The following SPTB variants were observed in gnomAD, a reference collection of about 807,000 sequenced individuals.
The protein encoded by SPTB is spectrin beta, erythrocytic, also known as spectrin beta chain, erythrocytic.
In SPTB, 45 loss-of-function variants were observed where a neutral mutation model predicts 256.2. That is an observed-to-expected ratio of 0.18 (90% CI 0.14 to 0.23). The LOEUF is 0.23. Ranked by LOEUF, SPTB falls within the 10% of genes least tolerant of loss-of-function variation. The probability of loss-of-function intolerance (pLI) is 1.00; values close to 1 mark genes in which losing one functional copy is unlikely to be tolerated. For missense variants in SPTB, 2,715 were observed against 3,040.4 expected (o/e 0.89, Z 2.52); for synonymous variants, 1,231 against 1,243.1 (o/e 0.99, Z 0.21).
intron 31 of SPTB, among the ~76,000 whole-genome samples, 174 bp from the exon 32 acceptor site, chr14:64,766,975 A>G (rs1447816382): frequency 6.6e-6 from 1 of 152,100 alleles, no homozygotes; most frequent in Non-Finnish European, 1.5e-5. Flanking sequence ...CTTCTTCGGA[A>G]AAGCCAAGGC....
chr14:64,878,297 A>G (rs1360239136), intron 1 of SPTB, among the ~76,000 whole-genome samples: 1 of 152,088 alleles, frequency 6.6e-6, no homozygotes, highest in Non-Finnish European at 1.5e-5. Context: ...TAAGTTTAAC[A>G]TTCCCTTTCC....
chr14:64,785,416 C>T lies in SPTB; in HGVS notation c.3855+121G>A, dbSNP rs986407289. On this transcript the variant is annotated intron_variant, in intron 18 of 35. Coordinates refer to ENST00000644917, the MANE Select transcript of SPTB (RefSeq NM_001355436.2). The surrounding 1 kb of genome is among the most constrained non-coding windows in gnomAD (Gnocchi z 4.4). ...ACCCAATTAAGTACCCAGAGGTCCC[C>T]GCTCATGGAATCCCACAGCTCTTGA... 39 of 878,128 alleles carry T rather than the reference C, an allele frequency of 4.4e-5. No homozygotes were observed. Among genetic ancestry groups the T allele is most frequent in the Middle Eastern group, 3.2e-4 (1 of 3,122 alleles). 54.4% of individuals were successfully genotyped at this position (878,128 alleles called of 1,614,324 possible). A position where few individuals can be genotyped will look rare whatever the true frequency, so the allele number is the denominator to read the frequency against.
chr14:64,796,581 A>T lies in SPTB; in HGVS notation c.1317T>A (p.Ser439Arg), dbSNP rs753052140. Residue 439 changes from serine (S) to arginine (R), a missense_variant, in exon 11 of 36, where the codon AGT (serine) becomes AGA (arginine). By Grantham distance (110) the Ser-to-Arg change is moderately radical (BLOSUM62 -1). Around this residue, in one of 4 missense-constraint regions of SPTB, gnomAD observed 416 missense variants for 571.1 expected, o/e 0.73. Coordinates refer to ENST00000644917, the MANE Select transcript of SPTB (RefSeq NM_001355436.2). The surrounding 1 kb of genome is among the most constrained non-coding windows in gnomAD (Gnocchi z 4.1). ...RKAAMRETWLSENQRLVAQDN... is the reference protein window; with the variant it reads ...RKAAMRETWLRENQRLVAQDN... ...CCTGGGCCACGAGGCGCTGGTTTTC[A>T]CTGAGCCAGGTCTCTCTCATTGCGG... 33 of 1,614,112 alleles carry T rather than the reference A, an allele frequency of 2.0e-5. No homozygotes were observed. The South Asian group carries it at 3.6e-4, about 18-fold the overall frequency.
chr14:64,754,193 G>A (rs574400455), intron 32 of SPTB: 81 of 350,218 alleles, frequency 2.3e-4, no homozygotes, highest in African/African-American at 1.3e-4. Context: ...CCAGACACTC[G>A]TATGAGGAAA....
intron 15 of SPTB, among the ~76,000 whole-genome samples, chr14:64,789,606 G>A (rs2082636359): frequency 6.6e-6 from 1 of 152,184 alleles, no homozygotes; most frequent in Non-Finnish European, 1.5e-5. Flanking sequence ...AGTAAGCCAA[G>A]GGCATAGCTA....
intron 1 of SPTB, among the ~76,000 whole-genome samples, chr14:64,876,330 T>G (rs774451742): frequency 1.3e-5 from 2 of 152,050 alleles, no homozygotes; most frequent in Non-Finnish European, 2.9e-5. Context: ...TTAGTAGAGA[T>G]AGGTTTGGCC....
At chr14:64,842,798 T>C (rs951131284) in intron 1 of SPTB, among the ~76,000 whole-genome samples, 7 of 152,134 alleles carry the variant, frequency 4.6e-5, no homozygotes, top group African/African-American at 9.7e-5. Flanking sequence ...TGGGGACATA[T>C]AGGCTGGATG....
In SPTB at chr14:64,750,283, T is replaced by TAA. The variant is rs552251818; in HGVS notation, c.6603-131_6603-130dup. The TAA allele has an allele frequency of 2.7e-5, 25 of 934,872 alleles. No individual in the cohort carries two copies. In the South Asian group the frequency reaches 4.8e-4, roughly 18 times the overall value. The allele number at this position is 934,872 out of a possible 1,614,324, so 57.9% of individuals were successfully genotyped here. A position where few individuals can be genotyped will look rare whatever the true frequency, so the allele number is the denominator to read the frequency against. ...GATACATAGTAACATGTTTTATTGT[T>TAA]AAAAAATCATCTGCATGTAATTTCA... On this transcript the variant is annotated intron_variant, in intron 33 of 35. Coordinates refer to ENST00000644917, the MANE Select transcript of SPTB (RefSeq NM_001355436.2).
rs1441021147 is a variant in SPTB at position 64,785,158 on chromosome 14, T to C, written c.3855+379A>G. Among the ~76,000 whole-genome samples the C allele has an allele frequency of 6.6e-6, 1 of 152,160 alleles. No individual in the cohort carries two copies. Among genetic ancestry groups the C allele is most frequent in the Non-Finnish European group, 1.5e-5 (1 of 68,026 alleles). On this transcript the variant is annotated intron_variant, in intron 18 of 35. Coordinates refer to ENST00000644917, the MANE Select transcript of SPTB (RefSeq NM_001355436.2). The surrounding 1 kb of genome is among the most constrained non-coding windows in gnomAD (Gnocchi z 4.4). ...GAGTTGTTCAAAAGCATGAAGAATT[T>C]CAAGATGGCAAGAGTAGAGCATTAA...
At chr14:64,877,318 T>C (rs1250029354) in intron 1 of SPTB, among the ~76,000 whole-genome samples, 1 of 152,178 alleles carries the variant, frequency 6.6e-6, no homozygotes, top group Non-Finnish European at 1.5e-5. Context: ...AGCAGAACTA[T>C]TACCTGAGGT....
In SPTB at chr14:64,795,742, A is replaced by C; in HGVS notation, c.1342-103T>G. On this transcript the variant is annotated intron_variant, in intron 11 of 35. Transcript: ENST00000644917. This position sits in a 1 kb window ranked among gnomAD's most constrained non-coding sequence, Gnocchi z 6.5. Reference sequence around the variant, plus strand: ...CCCTTCAGAACCAGTGCTAGATGGGAAAGCACATTCCCAAGAAGCAGCTAG... The same window carrying C: ...CCCTTCAGAACCAGTGCTAGATGGGCAAGCACATTCCCAAGAAGCAGCTAG... The C allele has an allele frequency of 1.6e-6, 2 of 1,215,186 alleles. No homozygotes were observed. Among genetic ancestry groups the C allele is most frequent in the Non-Finnish European group, 2.4e-6 (2 of 837,644 alleles). The allele number at this position is 1,215,186 out of a possible 1,614,324, so 75.3% of individuals were successfully genotyped here.
rs2083965872 is a variant in SPTB at position 64,861,295 on chromosome 14, C to CT, written c.-52+18496dup. ...TACCTATGTAACAAACCTGCACGTT[C>CT]TGTGCATGTATCCCATTTTTTTTAG... On this transcript the variant is annotated intron_variant, in intron 1 of 35. Coordinates refer to ENST00000644917, the MANE Select transcript of SPTB (RefSeq NM_001355436.2). Among the ~76,000 whole-genome samples, 9 of 152,160 alleles carry CT rather than the reference C, an allele frequency of 5.9e-5. No homozygotes were observed. In the South Asian group the frequency reaches 1.9e-3, roughly 32 times the overall value.
Position 64,771,004 on chromosome 14 carries a change from G to A in SPTB, c.5679C>T (p.Ala1893=), listed in dbSNP as rs777733020. 2.2e-5 allele frequency: 36 copies of A among 1,614,024 alleles called. No homozygotes were observed. Among genetic ancestry groups the A allele is most frequent in the Admixed American group, 6.7e-5 (4 of 60,012 alleles). The change falls in exon 27 of 36, where the codon GCC becomes GCT. Residue 1893 remains alanine, a synonymous_variant. Transcript: ENST00000644917. ...TGTCCACTAGCTGGGTCCGGCGCCCGGCACAGGCATCGAGCAGCGCCTGCC... is the reference window on the plus strand; with the variant it reads ...TGTCCACTAGCTGGGTCCGGCGCCCAGCACAGGCATCGAGCAGCGCCTGCC... ...AAWQALLDAC[A]GRRTQLVDTA...
At position 64,801,804 on chromosome 14, in the gene SPTB, G is replaced by A; in HGVS notation, c.597C>T (p.Thr199=). 1.2e-6 allele frequency: 2 copies of A among 1,614,214 alleles called. No individual in the cohort carries two copies. The highest frequency in any genetic ancestry group is 1.7e-6 in the Non-Finnish European group (2 of 1,180,032). Residue 199 remains threonine (T), a synonymous_variant, in exon 6 of 36, where the codon ACC becomes ACT. Coordinates refer to ENST00000644917, the MANE Select transcript of SPTB (RefSeq NM_001355436.2). ...AGGCCAAGCCATCCTTCCAGCTGGAGGTAAAGTTGGTGACATTAACATGAG... is the reference window on the plus strand; with the variant it reads ...AGGCCAAGCCATCCTTCCAGCTGGAAGTAAAGTTGGTGACATTAACATGAG... The part of the protein sequence containing the change: ...GYPHVNVTNF[T]SSWKDGLAFN...
At chr14:64,774,356 TC>T in intron 24 of SPTB, 40 bp downstream of exon 24, 1 of 1,566,106 alleles carries the variant, frequency 6.4e-7, no homozygotes, top group Non-Finnish European at 8.7e-7. Flanking sequence ...CCTGGCTCAA[TC>T]CCCATCTCCT....
chr14:64,760,428 C>T lies in SPTB; in HGVS notation c.6345+6298G>A, dbSNP rs908588459. Reference sequence around the variant, plus strand: ...CTCCCAGGAGAAACACAACCTGGCTCCGGACCACAGGGTGTTTCAGAGGTT... The same window carrying T: ...CTCCCAGGAGAAACACAACCTGGCTTCGGACCACAGGGTGTTTCAGAGGTT... On this transcript the variant is annotated intron_variant, in intron 32 of 35. Coordinates refer to ENST00000644917, the MANE Select transcript of SPTB (RefSeq NM_001355436.2). This position sits in a 1 kb window ranked among gnomAD's most constrained non-coding sequence, Gnocchi z 4.3. Among the ~76,000 whole-genome samples, 4 of 152,102 alleles carry T rather than the reference C, an allele frequency of 2.6e-5. No individual in the cohort carries two copies. The highest frequency in any genetic ancestry group is 5.9e-5 in the Non-Finnish European group (4 of 68,018).
chr14:64,797,025 A>G (rs1038975521), intron 10 of SPTB, among the ~76,000 whole-genome samples: 1 of 152,020 alleles, frequency 6.6e-6, no homozygotes, highest in Non-Finnish European at 1.5e-5. Flanking sequence ...ACTAATGGCT[A>G]CCTCCGTTCA....
At chr14:64,782,597 G>A in intron 19 of SPTB, 44 bp from the exon 20 acceptor site, 3 of 1,610,382 alleles carry the variant, frequency 1.9e-6, no homozygotes, top group East Asian at 4.5e-5. Context: ...GGCTGACTGG[G>A]CCTTGGATCA....
intron 1 of SPTB, among the ~76,000 whole-genome samples, chr14:64,843,346 C>A (rs1594835400): frequency 2.0e-5 from 3 of 152,138 alleles, no homozygotes; most frequent in Admixed American, 6.5e-5. Context: ...GGATGCAGAG[C>A]AGTCACGCAG....
Sources: allele counts gnomAD v4.1 joint callset (sites outside exome capture counted in the v4.1 genomes callset), GRCh38; gene constraint gnomAD v4.1.1; regional missense constraint gnomAD v4.1.1; non-coding constraint Gnocchi (gnomAD v3.1); transcripts MANE v1.5; gene names NCBI Gene and HGNC (gene_info 2026-07-23, HGNC 2026-07-21).